Variants in NCOA3 observed in about 807,000 individuals in gnomAD.
The protein encoded by NCOA3 is CBP-interacting protein.
A neutral mutation model predicts 158.8 loss-of-function variants in NCOA3; 51 were observed. That is an observed-to-expected ratio of 0.32 (90% CI 0.26 to 0.41). The LOEUF (loss-of-function observed/expected upper bound fraction) is 0.41. Among genes scored for constraint, NCOA3 ranks in the 10% least tolerant of loss-of-function variants. The pLI is 1.00. For missense variants in NCOA3, 1,510 were observed against 1,746.6 expected (o/e 0.86, Z 2.41); for synonymous variants, 537 against 592.4 (o/e 0.91, Z 1.36).
At chr20:47,652,814 C>G in intron 21 of NCOA3, 117 bp from the exon 22 acceptor site, 1 of 1,267,626 alleles carries the variant, frequency 7.9e-7, no homozygotes. Context: ...GGAGTTTTCT[C>G]TAACATTCCC....
chr20:47,622,498 G>GT (rs72645239), intron 3 of NCOA3, among the ~76,000 whole-genome samples, 168 bp downstream of exon 3: 76 of 149,140 alleles, frequency 5.1e-4, no homozygotes, highest in East Asian at 4.5e-3. Context: ...TGTAATAGAA[G>GT]TTTTTTTTTT....
At chr20:47,506,838 G>C (rs1379720586) in intron 1 of NCOA3, among the ~76,000 whole-genome samples, 1 of 151,870 alleles carries the variant, frequency 6.6e-6, no homozygotes, top group Non-Finnish European at 1.5e-5. Context: ...TTTTTCATCT[G>C]TTATTCCTAT....
intron 2 of NCOA3, among the ~76,000 whole-genome samples, chr20:47,592,164 C>T (rs2085653578): frequency 6.6e-6 from 1 of 152,190 alleles, no homozygotes; most frequent in South Asian, 2.1e-4. Context: ...TGCCTCAGCT[C>T]CTGAGTAGCT....
chr20:47,506,675 G>A (rs935283231), intron 1 of NCOA3, among the ~76,000 whole-genome samples: 7 of 152,088 alleles, frequency 4.6e-5, no homozygotes, highest in African/African-American at 1.4e-4. Context: ...CTGGCAAACA[G>A]GTTTTACCCA....
intron 1 of NCOA3, among the ~76,000 whole-genome samples, chr20:47,551,567 A>G (rs2084927264): frequency 6.6e-6 from 1 of 152,176 alleles, no homozygotes; most frequent in South Asian, 2.1e-4. Context: ...CCTCACCTCC[A>G]GGATGTGTGT....
intron 1 of NCOA3, among the ~76,000 whole-genome samples, chr20:47,572,975 G>A (rs1056445219): frequency 2.0e-5 from 3 of 152,218 alleles, no homozygotes; most frequent in Non-Finnish European, 4.4e-5. Flanking sequence ...GGCCTGAAGA[G>A]AAGGGAGAGA....
At chr20:47,614,363 C>A (rs549507181) in intron 2 of NCOA3, among the ~76,000 whole-genome samples, 11 of 152,282 alleles carry the variant, frequency 7.2e-5, no homozygotes, top group African/African-American at 2.6e-4. Flanking sequence ...GTATGACTGT[C>A]TCATTCTTCC....
At position 47,569,875 on chromosome 20, in the gene NCOA3, C is replaced by T. The variant is rs6018557; in HGVS notation, c.-98-13308C>T. Among the ~76,000 whole-genome samples the T allele has an allele frequency of 7.4e-3, 1,101 of 148,964 alleles. 21 individuals are homozygous for T. The highest frequency in any genetic ancestry group is 0.026 in the African/African-American group (1,040 of 40,292). ...AATACAAAAAATTAGCTGGACGTGG[C>T]GGCGGGTGCCTGTAGTCCCAGCTAC... is the stretch of plus-strand genomic sequence containing the variant. On this transcript the variant is annotated intron_variant, in intron 1 of 22. Coordinates refer to ENST00000371998, the MANE Select transcript of NCOA3 (RefSeq NM_181659.3).
At chr20:47,505,493 C>G (rs1188825778) in intron 1 of NCOA3, among the ~76,000 whole-genome samples, 2 of 151,932 alleles carry the variant, frequency 1.3e-5, no homozygotes, top group Non-Finnish European at 2.9e-5. Context: ...GCAAATTTGT[C>G]ACAATTTAAT....
chr20:47,502,601 T>C (rs2083954942), intron 1 of NCOA3, among the ~76,000 whole-genome samples: 1 of 152,146 alleles, frequency 6.6e-6, no homozygotes, highest in South Asian at 2.1e-4. Context: ...TTCTTAGTTT[T>C]CTCGGTAAAA....
chr20:47,593,861 A>G (rs2085696322), intron 2 of NCOA3, among the ~76,000 whole-genome samples: 2 of 152,192 alleles, frequency 1.3e-5, no homozygotes, highest in Admixed American at 6.5e-5. Flanking sequence ...AATTACTGGC[A>G]TAAGAATGAC....
At chr20:47,532,088 A>T (rs941961405) in intron 1 of NCOA3, among the ~76,000 whole-genome samples, 1 of 136,840 alleles carries the variant, frequency 7.3e-6, no homozygotes, top group Non-Finnish European at 1.6e-5. Context: ...CGGAAAAAAA[A>T]TAAAACTTTG....
At chr20:47,518,078 G>C (rs1166773380) in intron 1 of NCOA3, among the ~76,000 whole-genome samples, 1 of 152,046 alleles carries the variant, frequency 6.6e-6, no homozygotes, top group East Asian at 1.9e-4. Context: ...CAGCCATGAT[G>C]GCTCACACCT....
intron 1 of NCOA3, among the ~76,000 whole-genome samples, chr20:47,525,706 C>CG (rs1336574274): frequency 8.5e-6 from 1 of 117,398 alleles, no homozygotes; most frequent in African/African-American, 3.8e-5. Flanking sequence ...GCTGGCCGGG[C>CG]GGGGGGCTGA....
At chr20:47,515,512 T>C (rs994054508) in intron 1 of NCOA3, among the ~76,000 whole-genome samples, 4 of 147,870 alleles carry the variant, frequency 2.7e-5, no homozygotes, top group Non-Finnish European at 6.0e-5. Flanking sequence ...GACAGGTCAC[T>C]GGGTCACTCT....
intron 1 of NCOA3, among the ~76,000 whole-genome samples, chr20:47,561,998 A>G (rs1306621535): frequency 6.6e-6 from 1 of 151,776 alleles, no homozygotes; most frequent in East Asian, 1.9e-4. Flanking sequence ...GACATGTCAT[A>G]TAGTTGGAAC....
At chr20:47,624,695 G>T (rs1442391151) in intron 4 of NCOA3, among the ~76,000 whole-genome samples, 1 of 152,134 alleles carries the variant, frequency 6.6e-6, no homozygotes, top group Non-Finnish European at 1.5e-5. Flanking sequence ...TCCTTTGTTT[G>T]GGTAGAGACT....
At chr20:47,612,811 A>G (rs190742771) in intron 2 of NCOA3, among the ~76,000 whole-genome samples, 6 of 152,334 alleles carry the variant, frequency 3.9e-5, no homozygotes, top group Non-Finnish European at 7.3e-5. Flanking sequence ...CTTGATTTGG[A>G]TATGGATGGA....
intron 1 of NCOA3, among the ~76,000 whole-genome samples, chr20:47,517,188 A>G (rs1035411212): frequency 1.3e-5 from 2 of 152,214 alleles, no homozygotes; most frequent in Non-Finnish European, 2.9e-5. Context: ...ACTGCACTCC[A>G]GCCTGGGTGA....
Sources: gnomAD v4.1 joint callset for allele counts (sites outside exome capture counted in the v4.1 genomes callset) on GRCh38, gnomAD v4.1.1 for gene constraint, MANE v1.5 for transcripts, NCBI Gene and HGNC (gene_info 2026-07-23, HGNC 2026-07-21) for gene names.